The following PLEKHA5 variants were observed in gnomAD, a reference collection of about 807,000 sequenced individuals.
PLEKHA5 encodes pleckstrin homology domain containing A5, also known as pleckstrin homology domain-containing family A member 5.
In PLEKHA5, 55 loss-of-function variants were observed where a neutral mutation model predicts 181.9. The ratio of observed to expected loss-of-function variants is 0.30; its 90% CI spans 0.24 to 0.38. The LOEUF (loss-of-function observed/expected upper bound fraction) is 0.38, where lower values mean the gene tolerates loss of function less well. Among genes scored for constraint, PLEKHA5 ranks in the 10% least tolerant of loss-of-function variants. The probability of loss-of-function intolerance (pLI) is 1.00; values close to 1 mark genes in which losing one functional copy is unlikely to be tolerated. For missense variants in PLEKHA5, 1,432 were observed against 1,549.5 expected, an observed-to-expected ratio of 0.92 and a Z score of 1.27; for synonymous variants, 535 against 529.4, an observed-to-expected ratio of 1.01 and a Z score of -0.15.
intron 3 of PLEKHA5, among the ~76,000 whole-genome samples, chr12:19,166,996 A>G (rs2044549016): frequency 6.6e-6 from 1 of 152,214 alleles, no homozygotes; most frequent in South Asian, 2.1e-4. Context: ...TTCGAGACAG[A>G]TGATAACTAC....
At chr12:19,320,539 G>A (rs1340418475) in intron 17 of PLEKHA5, 23 bp from the exon 18 acceptor site, 1 of 1,188,454 alleles carries the variant, frequency 8.4e-7, no homozygotes, top group Non-Finnish European at 1.2e-6. Context: ...TTTTTAAGTT[G>A]CTATATGATT....
Position 19,275,698 on chromosome 12 carries a change from T to C in PLEKHA5, c.1313+715T>C, listed in dbSNP as rs561292955. On this transcript the variant is annotated intron_variant, in intron 11 of 31. Transcript: ENST00000429027. ...TGGGAGGATTGCTTGAGCCCAGGAG[T>C]TGGGAGCTGCAGTGAGCTATGACTG... Among the ~76,000 whole-genome samples the C allele has an allele frequency of 1.7e-4, 26 of 151,950 alleles. No individual in the cohort carries two copies. The South Asian group carries it at 5.2e-3, about 30-fold the overall frequency.
In PLEKHA5 at chr12:19,313,394, A is replaced by G. The variant is rs896363011; in HGVS notation, c.2038-1420A>G. Among the ~76,000 whole-genome samples the G allele has an allele frequency of 3.7e-4, 57 of 152,130 alleles. 4 individuals carry two copies. On this transcript the variant is annotated intron_variant, in intron 15 of 31. Coordinates refer to ENST00000429027, the MANE Select transcript of PLEKHA5 (RefSeq NM_001256470.2). ...CACTTAAGAATTTTTTGTTTAACTG[A>G]TGTGTTGTTCCAAATACCTTTACAT...
At chr12:19,344,151 A>T (rs371925667) in intron 22 of PLEKHA5, among the ~76,000 whole-genome samples, 32 of 152,236 alleles carry the variant, frequency 2.1e-4, no homozygotes, top group East Asian at 1.5e-3. Context: ...GTGGCACATG[A>T]CTGAATGTCT....
At chr12:19,148,981 T>C (rs535411691) in intron 3 of PLEKHA5, among the ~76,000 whole-genome samples, 1 of 152,200 alleles carries the variant, frequency 6.6e-6, no homozygotes, top group East Asian at 1.9e-4. Flanking sequence ...AAACAAACAT[T>C]ATTATTGGTA....
intron 3 of PLEKHA5, among the ~76,000 whole-genome samples, chr12:19,236,045 A>G (rs2061361637): frequency 6.6e-6 from 1 of 152,228 alleles, no homozygotes; most frequent in Non-Finnish European, 1.5e-5. Flanking sequence ...GTCATCACAA[A>G]AGGAAAGTTA....
intron 3 of PLEKHA5, among the ~76,000 whole-genome samples, chr12:19,167,700 T>C (rs1480566500): frequency 1.3e-5 from 2 of 152,254 alleles, no homozygotes; most frequent in South Asian, 2.1e-4. Flanking sequence ...GTTGTACTTA[T>C]GGAGTCTTCA....
chr12:19,361,820 C>A, intron 29 of PLEKHA5, 114 bp downstream of exon 29: 1 of 863,440 alleles, frequency 1.2e-6, no homozygotes, highest in Non-Finnish European at 1.9e-6. Context: ...TACCTAGGAG[C>A]TATAGAATCT....
intron 3 of PLEKHA5, among the ~76,000 whole-genome samples, chr12:19,222,831 A>G (rs1350836333): frequency 1.3e-5 from 2 of 152,122 alleles, no homozygotes; most frequent in African/African-American, 4.8e-5. Context: ...CCTGCCAAAG[A>G]CATTCACTCG....
chr12:19,306,572 A>G lies in PLEKHA5; in HGVS notation c.2038-8242A>G. ...GAGCAACACTACCATCGTCCCCAGC[A>G]CTGCGGATCCGGGCCCTAGCGGCGG... is the stretch of plus-strand genomic sequence containing the variant. On this transcript the variant is annotated intron_variant, in intron 15 of 31. Transcript: ENST00000429027. 3.8e-6 allele frequency: 3 copies of G among 781,850 alleles called. No homozygotes were observed. In the South Asian group the frequency reaches 4.0e-5, roughly 10 times the overall value. The allele number at this position is 781,850 out of a possible 1,614,324, so 48.4% of individuals were successfully genotyped here. A position where few individuals can be genotyped will look rare whatever the true frequency, so the allele number is the denominator to read the frequency against.
intron 3 of PLEKHA5, among the ~76,000 whole-genome samples, chr12:19,187,637 G>T (rs2050160886): frequency 6.6e-6 from 1 of 152,106 alleles, no homozygotes; most frequent in Non-Finnish European, 1.5e-5. Flanking sequence ...TATCCTACTG[G>T]ATATAAAAGT....
intron 3 of PLEKHA5, among the ~76,000 whole-genome samples, chr12:19,231,612 A>ATATTTATATATGTACACAT: frequency 6.8e-6 from 1 of 147,372 alleles, no homozygotes; most frequent in Non-Finnish European, 1.5e-5. Flanking sequence ...ATATATATAT[A>ATATTTATATATGTACACAT]AATACTCATA....
At chr12:19,262,545 T>G (rs544078543) in intron 7 of PLEKHA5, among the ~76,000 whole-genome samples, 37 of 152,182 alleles carry the variant, frequency 2.4e-4, no homozygotes, top group African/African-American at 8.7e-4. Context: ...AGCCAAGAAT[T>G]TATTGATGTT....
chr12:19,197,049 G>A (rs1219487695), intron 3 of PLEKHA5, among the ~76,000 whole-genome samples: 2 of 151,856 alleles, frequency 1.3e-5, no homozygotes, highest in African/African-American at 2.4e-5. Flanking sequence ...TTCCTCCCCT[G>A]CCCTTCTGTA....
intron 20 of PLEKHA5, among the ~76,000 whole-genome samples, chr12:19,334,829 A>ATATATATATAT (rs1555165772): frequency 5.4e-5 from 1 of 18,598 alleles, no homozygotes; most frequent in African/African-American, 1.2e-4. Flanking sequence ...AAAAAAAAAA[A>ATATATATATAT]ATATATATAT....
At chr12:19,220,782 A>T (rs905603854) in intron 3 of PLEKHA5, among the ~76,000 whole-genome samples, 1 of 152,210 alleles carries the variant, frequency 6.6e-6, no homozygotes, top group African/African-American at 2.4e-5. Flanking sequence ...AGAAAGCGTA[A>T]TTCCTTCATT....
chr12:19,283,601 C>T lies in PLEKHA5; in HGVS notation c.1635C>T (p.His545=). 1.2e-6 allele frequency: 2 copies of T among 1,614,102 alleles called. No individual in the cohort carries two copies. Among genetic ancestry groups the T allele is most frequent in the Non-Finnish European group, 1.7e-6 (2 of 1,179,974 alleles). ...TMVNISDQTM[H]SIPTSPSHGS... is the part of the protein sequence containing the mutation. ...TAAATATTTCTGACCAGACAATGCA[C>T]TCTATTCCCACATCACCTTCCCACG... is the stretch of plus-strand genomic sequence containing the variant. Residue 545 remains histidine, a synonymous_variant, in exon 12 of 32, where the codon CAC becomes CAT. Transcript: ENST00000429027.
chr12:19,336,671 C>T (rs1359185234), intron 21 of PLEKHA5, 55 bp downstream of exon 21: 2 of 950,312 alleles, frequency 2.1e-6, no homozygotes, highest in Non-Finnish European at 3.3e-6. Context: ...TGGTACTGTA[C>T]AATCCACCTT....
At chr12:19,170,744 C>T (rs2045706308) in intron 3 of PLEKHA5, among the ~76,000 whole-genome samples, 1 of 152,174 alleles carries the variant, frequency 6.6e-6, no homozygotes, top group Non-Finnish European at 1.5e-5. Context: ...ATTTAACTGA[C>T]TTATCATTCT....
Sources: gnomAD v4.1 joint callset for allele counts (sites outside exome capture counted in the v4.1 genomes callset) on GRCh38, gnomAD v4.1.1 for gene constraint, MANE v1.5 for transcripts, NCBI Gene and HGNC (gene_info 2026-07-23, HGNC 2026-07-21) for gene names.